The following DTNBP1 variants were observed in gnomAD, a reference collection of about 807,000 sequenced individuals.
DTNBP1 encodes dystrobrevin binding protein 1, also known as dysbindin.
Under a neutral mutation model 42.8 loss-of-function variants are expected in DTNBP1, and 35 were observed. That is an observed-to-expected ratio of 0.82 (90% CI 0.63 to 1.09). DTNBP1 has a LOEUF of 1.09. Among genes scored for constraint, DTNBP1 ranks in the 50% least tolerant of loss-of-function variants. The pLI, the probability that DTNBP1 is intolerant of heterozygous loss-of-function variation, is 0.00. For missense variants in DTNBP1, 457 were observed against 424.2 expected, an observed-to-expected ratio of 1.08 and a Z score of -0.68; for synonymous variants, 171 against 162.2, an observed-to-expected ratio of 1.05 and a Z score of -0.41.
intron 7 of DTNBP1, among the ~76,000 whole-genome samples, chr6:15,567,941 T>C (rs971198683): frequency 6.6e-6 from 1 of 152,038 alleles, no homozygotes; most frequent in Non-Finnish European, 1.5e-5. Flanking sequence ...ACATTACGAG[T>C]TGCTATGCGG....
Position 15,586,655 on chromosome 6 carries a change from C to T in DTNBP1, c.511+6404G>A, listed in dbSNP as rs1029387234. Among the ~76,000 whole-genome samples the T allele has an allele frequency of 4.6e-5, 7 of 152,102 alleles. No individual in the cohort carries two copies. In the East Asian group the frequency reaches 1.3e-3, roughly 29 times the overall value. ...CATTCATTTAAATATTTAATAAGCA[C>T]CAAAGTGCCAAGCACCTGAGTCACA... On this transcript the variant is annotated intron_variant, in intron 7 of 9. Coordinates refer to ENST00000344537, the MANE Select transcript of DTNBP1 (RefSeq NM_032122.5).
At chr6:15,618,446 T>C (rs867018890) in intron 5 of DTNBP1, among the ~76,000 whole-genome samples, 1 of 151,880 alleles carries the variant, frequency 6.6e-6, no homozygotes. Context: ...GTTTGGGTAT[T>C]GGGTACACTA....
chr6:15,604,567 C>A (rs572448571), intron 6 of DTNBP1, among the ~76,000 whole-genome samples: 1 of 152,342 alleles, frequency 6.6e-6, no homozygotes, highest in South Asian at 2.1e-4. Context: ...CCCCAGCTTG[C>A]CAGTCTCTTG....
chr6:15,583,281 C>T (rs1775918580), intron 7 of DTNBP1, among the ~76,000 whole-genome samples: 2 of 152,146 alleles, frequency 1.3e-5, no homozygotes, highest in Admixed American at 1.3e-4. Context: ...CTGCTCCCAC[C>T]CATATACTTA....
intron 7 of DTNBP1, among the ~76,000 whole-genome samples, chr6:15,545,741 G>A (rs1314864334): frequency 6.6e-6 from 1 of 152,210 alleles, no homozygotes; most frequent in Non-Finnish European, 1.5e-5. Context: ...CACTATTCTA[G>A]TATTCTGGAA....
At chr6:15,652,023 G>T in intron 2 of DTNBP1, 64 bp downstream of exon 2, 2 of 1,403,374 alleles carry the variant, frequency 1.4e-6, no homozygotes, top group Admixed American at 1.7e-5. Flanking sequence ...ACACAATTGT[G>T]AATACACCAA....
intron 7 of DTNBP1, among the ~76,000 whole-genome samples, chr6:15,585,536 G>A (rs983408348): frequency 2.6e-5 from 4 of 151,442 alleles, no homozygotes; most frequent in African/African-American, 9.7e-5. Context: ...GTAATAGAAA[G>A]AACTAATAAT....
At chr6:15,540,791 G>A (rs917577605) in intron 7 of DTNBP1, among the ~76,000 whole-genome samples, 1 of 152,080 alleles carries the variant, frequency 6.6e-6, no homozygotes, top group Non-Finnish European at 1.5e-5. Flanking sequence ...ACAGGTGCAT[G>A]CTGCCACTGC....
At chr6:15,607,087 T>C (rs951868838) in intron 6 of DTNBP1, among the ~76,000 whole-genome samples, 7 of 150,864 alleles carry the variant, frequency 4.6e-5, no homozygotes, top group South Asian at 2.1e-4. Context: ...CTCAGCTCAC[T>C]GCAACCTCCC....
chr6:15,574,858 T>C (rs1775497020), intron 7 of DTNBP1, among the ~76,000 whole-genome samples: 1 of 152,356 alleles, frequency 6.6e-6, no homozygotes, highest in South Asian at 2.1e-4. Flanking sequence ...TATTCTTCAA[T>C]CCAACCCTAA....
At chr6:15,630,929 A>G (rs1476723375) in intron 4 of DTNBP1, among the ~76,000 whole-genome samples, 1 of 152,220 alleles carries the variant, frequency 6.6e-6, no homozygotes, top group Non-Finnish European at 1.5e-5. Context: ...AAAAAAAGAA[A>G]ACAAGCCTAA....
intron 7 of DTNBP1, among the ~76,000 whole-genome samples, chr6:15,580,731 T>A (rs1775791415): frequency 6.6e-6 from 1 of 152,216 alleles, no homozygotes; most frequent in African/African-American, 2.4e-5. Context: ...TCAATGGGGA[T>A]GCATTGCTTT....
chr6:15,569,946 T>C (rs1357256875), intron 7 of DTNBP1, among the ~76,000 whole-genome samples: 4 of 152,090 alleles, frequency 2.6e-5, no homozygotes, highest in Non-Finnish European at 5.9e-5. Flanking sequence ...CAAAACTCCA[T>C]GAAGGTGTCC....
chr6:15,636,701 G>A (rs527551074), intron 4 of DTNBP1, among the ~76,000 whole-genome samples: 1 of 152,282 alleles, frequency 6.6e-6, no homozygotes, highest in Non-Finnish European at 1.5e-5. Flanking sequence ...AAAAGTCTCA[G>A]ATTCAGATCC....
chr6:15,623,722 T>C (rs1561997557), intron 5 of DTNBP1, among the ~76,000 whole-genome samples: 3 of 152,208 alleles, frequency 2.0e-5, no homozygotes, highest in African/African-American at 7.2e-5. Context: ...TACCCTCTAG[T>C]GGAAGTTCAA....
intron 4 of DTNBP1, among the ~76,000 whole-genome samples, chr6:15,634,544 C>T (rs1759893034): frequency 1.3e-5 from 2 of 152,176 alleles, no homozygotes; most frequent in Non-Finnish European, 2.9e-5. Context: ...TCTCGAACTC[C>T]TGACTTCAAG....
At position 15,609,193 on chromosome 6, in the gene DTNBP1, G is replaced by A. The variant is rs369767744; in HGVS notation, c.488+6074C>T. Among the ~76,000 whole-genome samples, 8 of 149,156 alleles carry A rather than the reference G, an allele frequency of 5.4e-5. No individual in the cohort carries two copies. In the South Asian group the frequency reaches 8.4e-4, roughly 16 times the overall value. ...CTTTTTTTTTTTTTAATACTTTTAAGTTATAGGGTGCATGTGCTTCTAAAA... is the reference window on the plus strand; with the variant it reads ...CTTTTTTTTTTTTTAATACTTTTAAATTATAGGGTGCATGTGCTTCTAAAA... On this transcript the variant is annotated intron_variant, in intron 6 of 9. Coordinates refer to ENST00000344537, the MANE Select transcript of DTNBP1 (RefSeq NM_032122.5).
At chr6:15,620,624 C>G (rs2619539) in intron 5 of DTNBP1, among the ~76,000 whole-genome samples, 85,507 of 152,154 alleles carry the variant, frequency 0.56, 24,810 homozygotes, top group African/African-American at 0.69. Flanking sequence ...ATGTATAAAA[C>G]ACTATCATAG....
At chr6:15,561,183 A>C (rs1425376561) in intron 7 of DTNBP1, among the ~76,000 whole-genome samples, 1 of 152,238 alleles carries the variant, frequency 6.6e-6, no homozygotes, top group Non-Finnish European at 1.5e-5. Context: ...CAAGCTCAGA[A>C]GAAACAAGAG....
Sources: gnomAD v4.1 joint callset for allele counts (sites outside exome capture counted in the v4.1 genomes callset) on GRCh38, gnomAD v4.1.1 for gene constraint, MANE v1.5 for transcripts, NCBI Gene and HGNC (gene_info 2026-07-23, HGNC 2026-07-21) for gene names.